TSHZ2: variants seen among roughly 807,000 people sequenced by gnomAD.
TSHZ2 encodes the protein teashirt homolog 2.
TSHZ2 carries 21 observed loss-of-function variants against 74.4 expected under a neutral mutation model. The observed-to-expected ratio is 0.28, with a 90% CI of 0.20 to 0.41. The LOEUF (loss-of-function observed/expected upper bound fraction) is 0.41, where lower values mean the gene tolerates loss of function less well. TSHZ2 is among the 10% of genes least tolerant of loss of function. The probability of loss-of-function intolerance (pLI) is 1.00; values close to 1 mark genes in which losing one functional copy is unlikely to be tolerated. For missense variants in TSHZ2, 1,244 were observed against 1,293.5 expected (o/e 0.96, Z 0.59); for synonymous variants, 540 against 515.3 (o/e 1.05, Z -0.65).
intron 1 of TSHZ2, among the ~76,000 whole-genome samples, chr20:52,993,426 G>A (rs1003577076): frequency 6.6e-6 from 1 of 152,206 alleles, no homozygotes; most frequent in African/African-American, 2.4e-5. Context: ...TGCACTGTGT[G>A]AGGTTTGTTT....
intron 1 of TSHZ2, among the ~76,000 whole-genome samples, chr20:53,011,093 T>A (rs2122998579): frequency 6.6e-6 from 1 of 152,230 alleles, no homozygotes; most frequent in East Asian, 1.9e-4. Flanking sequence ...TCTTTATTAG[T>A]GCCTTTTATG....
At chr20:53,097,073 G>T (rs767436126) in intron 1 of TSHZ2, among the ~76,000 whole-genome samples, 2 of 152,108 alleles carry the variant, frequency 1.3e-5, no homozygotes, top group African/African-American at 4.8e-5. Flanking sequence ...CCCAACATCC[G>T]CACTGTAGAT....
chr20:53,171,712 T>G (rs1457985384), intron 1 of TSHZ2, among the ~76,000 whole-genome samples: 1 of 152,142 alleles, frequency 6.6e-6, no homozygotes, highest in Non-Finnish European at 1.5e-5. Context: ...TTTTGTTGAC[T>G]TTTCTGAGGC....
rs531621809 is a variant in TSHZ2 at position 52,983,987 on chromosome 20, G to A, written c.40+10654G>A. Among the ~76,000 whole-genome samples, 236 of 152,344 alleles carry A rather than the reference G, an allele frequency of 1.5e-3. 2 individuals carry two copies. Among genetic ancestry groups the A allele is most frequent in the South Asian group, 0.011 (52 of 4,832 alleles). ...TGTTAAGCTAATGGGAATAGGCTACGGGCTGTTTCCTGGTAACGCCTTCTT... is the reference window on the plus strand; with the variant it reads ...TGTTAAGCTAATGGGAATAGGCTACAGGCTGTTTCCTGGTAACGCCTTCTT... On this transcript the variant is annotated intron_variant, in intron 1 of 2. Coordinates refer to ENST00000371497, the MANE Select transcript of TSHZ2 (RefSeq NM_173485.6).
At chr20:53,061,233 T>C (rs1984812341) in intron 1 of TSHZ2, among the ~76,000 whole-genome samples, 1 of 152,162 alleles carries the variant, frequency 6.6e-6, no homozygotes, top group Non-Finnish European at 1.5e-5. Flanking sequence ...TTTCAATCTT[T>C]ACTCTCCTTT....
At chr20:53,140,214 T>C (rs1429014905) in intron 1 of TSHZ2, among the ~76,000 whole-genome samples, 1 of 151,968 alleles carries the variant, frequency 6.6e-6, no homozygotes, top group Admixed American at 6.6e-5. Context: ...TATGATATAC[T>C]AAAATATGTT....
chr20:52,990,125 A>G (rs964424745), intron 1 of TSHZ2, among the ~76,000 whole-genome samples: 1 of 152,202 alleles, frequency 6.6e-6, no homozygotes, highest in Non-Finnish European at 1.5e-5. Flanking sequence ...TAATTTTTAC[A>G]ATCTTCACAT....
Position 53,155,296 on chromosome 20 carries a change from A to T in TSHZ2, c.41-98203A>T, listed in dbSNP as rs114847668. Among the ~76,000 whole-genome samples the T allele has an allele frequency of 3.7e-3, 565 of 152,178 alleles. 3 individuals are homozygous for T. The highest frequency in any genetic ancestry group is 0.012 in the African/African-American group (517 of 41,532). On this transcript the variant is annotated intron_variant, in intron 1 of 2. Transcript: ENST00000371497. ...TTTAATAAAAAGACAATGAAAAGGT[A>T]GGAGTGGTGTTTAAGAAACCAAGAA...
chr20:53,280,957 C>T (rs138743590), intron 2 of TSHZ2, among the ~76,000 whole-genome samples: 1 of 152,254 alleles, frequency 6.6e-6, no homozygotes, highest in Non-Finnish European at 1.5e-5. Context: ...TCCCAAAATG[C>T]TGGGATTACA....
chr20:53,048,346 A>T (rs1470359588), intron 1 of TSHZ2, among the ~76,000 whole-genome samples: 1 of 152,116 alleles, frequency 6.6e-6, no homozygotes, highest in Non-Finnish European at 1.5e-5. Flanking sequence ...ATAACTTCTT[A>T]GCCGGAACTG....
intron 2 of TSHZ2, among the ~76,000 whole-genome samples, chr20:53,438,103 TTTTTTTTTTTTC>T (rs1309923160): frequency 6.9e-6 from 1 of 144,286 alleles, no homozygotes; most frequent in South Asian, 2.2e-4. Flanking sequence ...CTTTTCTTTC[TTTTTTTTTTTTC>T]TTTTTTTTTT....
At chr20:53,464,982 C>G (rs1023993239) in intron 2 of TSHZ2, among the ~76,000 whole-genome samples, 7 of 152,148 alleles carry the variant, frequency 4.6e-5, no homozygotes, top group Non-Finnish European at 1.0e-4. Context: ...GATACTTGAA[C>G]TTTTAAAAGC....
At chr20:53,218,966 C>T (rs1989494881) in intron 1 of TSHZ2, among the ~76,000 whole-genome samples, 1 of 152,164 alleles carries the variant, frequency 6.6e-6, no homozygotes, top group South Asian at 2.1e-4. Context: ...TTAATCAGTG[C>T]AGTTTAATGA....
chr20:53,445,913 A>C (rs6022481), intron 2 of TSHZ2, among the ~76,000 whole-genome samples: 25,366 of 152,144 alleles, frequency 0.17, 2,249 homozygotes, highest in East Asian at 0.32. Context: ...ATCCAAGGGT[A>C]CAAGGGAGCC....
intron 2 of TSHZ2, among the ~76,000 whole-genome samples, chr20:53,433,584 G>GACACACACACACACACACACAC (rs59162370): frequency 8.0e-5 from 11 of 137,150 alleles, no homozygotes; most frequent in South Asian, 2.4e-4. Flanking sequence ...CAGACACACA[G>GACACACACACACACACACACAC]ACACACACAC....
intron 2 of TSHZ2, among the ~76,000 whole-genome samples, chr20:53,447,027 T>C (rs980775272): frequency 1.3e-5 from 2 of 152,178 alleles, no homozygotes; most frequent in Non-Finnish European, 2.9e-5. Context: ...ATGGAGCATG[T>C]AGGAAGCTCA....
chr20:53,392,186 G>A (rs1982281089), intron 2 of TSHZ2, among the ~76,000 whole-genome samples: 2 of 152,128 alleles, frequency 1.3e-5, no homozygotes, highest in Admixed American at 1.3e-4. Context: ...CAGGTGCAGT[G>A]GCTAACACCT....
At chr20:53,071,457 G>T (rs1304085103) in intron 1 of TSHZ2, among the ~76,000 whole-genome samples, 1 of 152,158 alleles carries the variant, frequency 6.6e-6, no homozygotes, top group Non-Finnish European at 1.5e-5. Flanking sequence ...GCCATAATTG[G>T]CAACACACTG....
At chr20:53,340,845 G>A (rs1486239956) in intron 2 of TSHZ2, among the ~76,000 whole-genome samples, 1 of 152,154 alleles carries the variant, frequency 6.6e-6, no homozygotes, top group Non-Finnish European at 1.5e-5. Flanking sequence ...ATGGGAGAGG[G>A]ACAAAGGTGG....
Sources: gnomAD v4.1 joint callset for allele counts (sites outside exome capture counted in the v4.1 genomes callset) on GRCh38, gnomAD v4.1.1 for gene constraint, MANE v1.5 for transcripts, NCBI Gene and HGNC (gene_info 2026-07-23, HGNC 2026-07-21) for gene names.